ENTPD7: variants seen among roughly 807,000 people sequenced by gnomAD.
The protein encoded by ENTPD7 is ectonucleoside triphosphate diphosphohydrolase 7.
In ENTPD7, 53 loss-of-function variants were observed where a neutral mutation model predicts 77.9. That is an observed-to-expected ratio of 0.68 (90% CI 0.55 to 0.85). The LOEUF (loss-of-function observed/expected upper bound fraction) is 0.85, where lower values mean the gene tolerates loss of function less well. ENTPD7 is among the 40% of genes least tolerant of loss of function. The probability of loss-of-function intolerance (pLI) is 0.00; values close to 1 mark genes in which losing one functional copy is unlikely to be tolerated. For missense variants in ENTPD7, 636 were observed against 743.7 expected, an observed-to-expected ratio of 0.86 and a Z score of 1.68; for synonymous variants, 248 against 274.9, an observed-to-expected ratio of 0.90 and a Z score of 0.97.
intron 3 of ENTPD7, among the ~76,000 whole-genome samples, chr10:99,671,916 T>A (rs543611277): frequency 6.6e-6 from 1 of 152,346 alleles, no homozygotes; most frequent in South Asian, 2.1e-4. Flanking sequence ...CAATTCTGTT[T>A]AATTAAAGCA....
At chr10:99,693,347 T>A (rs1359956669) in intron 8 of ENTPD7, among the ~76,000 whole-genome samples, 1 of 152,170 alleles carries the variant, frequency 6.6e-6, no homozygotes. Context: ...ACAGGACTGT[T>A]GGAAATGTGA....
chr10:99,706,880 C>T lies in ENTPD7; in HGVS notation c.*2197C>T, dbSNP rs1420187011. Reference sequence around the variant, plus strand: ...TGTGAGATCTAATCAATGATCTAGTCAGAAGCTACTTCACTGGCTAACAGT... The same window carrying T: ...TGTGAGATCTAATCAATGATCTAGTTAGAAGCTACTTCACTGGCTAACAGT... On this transcript the variant is annotated 3_prime_UTR_variant, in exon 13 of 13. Coordinates refer to ENST00000370489, the MANE Select transcript of ENTPD7 (RefSeq NM_020354.5). Among the ~76,000 whole-genome samples the T allele has an allele frequency of 2.6e-5, 4 of 152,146 alleles. No individual in the cohort carries two copies.
intron 3 of ENTPD7, among the ~76,000 whole-genome samples, chr10:99,663,933 C>T (rs1023235079): frequency 1.3e-4 from 20 of 152,094 alleles, no homozygotes; most frequent in African/African-American, 3.6e-4. Context: ...GTGATGTTTT[C>T]CCACAGCTCA....
At chr10:99,669,819 G>A (rs1012570062) in intron 3 of ENTPD7, among the ~76,000 whole-genome samples, 7 of 124,446 alleles carry the variant, frequency 5.6e-5, no homozygotes, top group East Asian at 2.6e-4. Context: ...GTGCGATCTC[G>A]GCTCACTGCA....
chr10:99,678,367 C>A (rs1208586877), intron 3 of ENTPD7, among the ~76,000 whole-genome samples: 4 of 151,588 alleles, frequency 2.6e-5, no homozygotes, highest in Non-Finnish European at 5.9e-5. Flanking sequence ...ACTTGGGAGG[C>A]TGAGGCAGGA....
intron 5 of ENTPD7, among the ~76,000 whole-genome samples, chr10:99,682,197 C>T (rs903752500): frequency 8.6e-5 from 5 of 58,464 alleles, no homozygotes; most frequent in African/African-American, 4.0e-4. Context: ...TGGTCAACAG[C>T]AGTTTTTTTT....
At chr10:99,661,255 A>T (rs2035482637) in intron 2 of ENTPD7, among the ~76,000 whole-genome samples, 191 bp from the exon 3 acceptor site, 1 of 152,206 alleles carries the variant, frequency 6.6e-6, no homozygotes, top group Non-Finnish European at 1.5e-5. Context: ...AAAAGGGCAG[A>T]TAAGGCTTTT....
Position 99,710,784 on chromosome 10 carries a change from T to A in ENTPD7, c.*6101T>A, listed in dbSNP as rs916373703. ...TTGATCTCTGCAACCAACATTGCTT[T>A]AGGGAGTTGCTAGTCATTACCCCTG... On this transcript the variant is annotated 3_prime_UTR_variant, in exon 13 of 13. Transcript: ENST00000370489. 1 of 985,284 alleles carries A rather than the reference T, an allele frequency of 1.0e-6. No homozygotes were observed. The highest frequency in any genetic ancestry group is 1.7e-5 in the African/African-American group (1 of 57,246). The allele number at this position is 985,284 out of a possible 1,614,324, so 61.0% of individuals were successfully genotyped here.
intron 3 of ENTPD7, among the ~76,000 whole-genome samples, chr10:99,671,315 A>C (rs1341155376): frequency 1.3e-5 from 2 of 152,166 alleles, no homozygotes; most frequent in African/African-American, 4.8e-5. Context: ...GGACTAACAC[A>C]ACTTAAAACA....
chr10:99,701,663 A>C (rs796648473), intron 11 of ENTPD7, among the ~76,000 whole-genome samples: 3 of 152,100 alleles, frequency 2.0e-5, no homozygotes, highest in African/African-American at 7.2e-5. Context: ...TAGCAACATA[A>C]ACCCTCATGT....
chr10:99,662,873 ATGCTG>A (rs2035503656), intron 3 of ENTPD7, among the ~76,000 whole-genome samples: 1 of 152,266 alleles, frequency 6.6e-6, no homozygotes, highest in South Asian at 2.1e-4. Context: ...ACAGGTAAGA[ATGCTG>A]CATGTGCCAT....
At chr10:99,693,635 A>G (rs1033529105) in intron 8 of ENTPD7, among the ~76,000 whole-genome samples, 1 of 152,138 alleles carries the variant, frequency 6.6e-6, no homozygotes, top group African/African-American at 2.4e-5. Flanking sequence ...TACATATAGC[A>G]GGCCGGGCAC....
intron 3 of ENTPD7, among the ~76,000 whole-genome samples, chr10:99,662,111 CTTG>C (rs2035494669): frequency 6.6e-6 from 1 of 152,002 alleles, no homozygotes; most frequent in South Asian, 2.1e-4. Context: ...TTGGTTGGGT[CTTG>C]TTTTTTTATC....
chr10:99,667,929 CTT>C lies in ENTPD7; in HGVS notation c.191+6323_191+6324del, dbSNP rs61543336. Among the ~76,000 whole-genome samples the C allele has an allele frequency of 3.1e-3, 263 of 85,500 alleles. 1 individual carries two copies. Among genetic ancestry groups the C allele is most frequent in the African/African-American group, 0.012 (251 of 21,192 alleles). The allele number at this position is 85,500 out of a possible 152,430, so 56.1% of individuals were successfully genotyped here. ...AAATTTATGTTAATGAAATGATAAT[CTT>C]TTTTTTTTTTTTTTTTTTTTTGAGA... is the stretch of plus-strand genomic sequence containing the variant. On this transcript the variant is annotated intron_variant, in intron 3 of 12. Transcript: ENST00000370489.
At chr10:99,682,019 G>T (rs933732261) in intron 5 of ENTPD7, among the ~76,000 whole-genome samples, 4 of 152,064 alleles carry the variant, frequency 2.6e-5, no homozygotes, top group African/African-American at 9.7e-5. Context: ...TTACTGTACA[G>T]AAATTTTTAG....
intron 6 of ENTPD7, among the ~76,000 whole-genome samples, chr10:99,688,382 A>C (rs992076613): frequency 1.3e-5 from 2 of 152,258 alleles, no homozygotes; most frequent in Non-Finnish European, 2.9e-5. Flanking sequence ...AAGATTGCCC[A>C]GAACTAGAAC....
At chr10:99,687,259 CTTT>C (rs71009768) in intron 6 of ENTPD7, among the ~76,000 whole-genome samples, 34 of 29,518 alleles carry the variant, frequency 1.2e-3, no homozygotes, top group African/African-American at 4.6e-3. Context: ...TTCTTTCTTT[CTTT>C]TTTTTTTTTT....
chr10:99,672,895 C>T (rs1285995554), intron 3 of ENTPD7, among the ~76,000 whole-genome samples: 1 of 152,206 alleles, frequency 6.6e-6, no homozygotes, highest in Non-Finnish European at 1.5e-5. Flanking sequence ...TCTGTTTGAA[C>T]TCTAAAGTGG....
intron 6 of ENTPD7, 102 bp downstream of exon 6, chr10:99,685,997 T>G: frequency 2.9e-6 from 2 of 697,626 alleles, no homozygotes; most frequent in Non-Finnish European, 4.7e-6. Flanking sequence ...GATTTTAATT[T>G]TTCTGCCAAT....
Sources: gnomAD v4.1 joint callset for allele counts (sites outside exome capture counted in the v4.1 genomes callset) on GRCh38, gnomAD v4.1.1 for gene constraint, MANE v1.5 for transcripts, NCBI Gene and HGNC (gene_info 2026-07-23, HGNC 2026-07-21) for gene names.